Variants in DUS3L observed in about 807,000 individuals in gnomAD.
The protein encoded by DUS3L is tRNA-dihydrouridine(47) synthase [NAD(P)(+)]-like.
Under a neutral mutation model 74.6 loss-of-function variants are expected in DUS3L, and 62 were observed. The observed-to-expected ratio is 0.83, with a 90% CI of 0.68 to 1.03. The LOEUF (loss-of-function observed/expected upper bound fraction) is 1.03, where lower values mean the gene tolerates loss of function less well. Among genes scored for constraint, DUS3L ranks in the 50% least tolerant of loss-of-function variants. DUS3L has a pLI of 0.00. For missense variants in DUS3L, 884 were observed against 924.4 expected, an observed-to-expected ratio of 0.96 and a Z score of 0.57; for synonymous variants, 433 against 395.7, an observed-to-expected ratio of 1.09 and a Z score of -1.12.
In DUS3L at chr19:5,788,036, G is replaced by A. The variant is rs1237366935; in HGVS notation, c.1083C>T (p.Ile361=). 6 of 1,613,350 alleles carry A rather than the reference G, an allele frequency of 3.7e-6. No individual in the cohort carries two copies. Among genetic ancestry groups the A allele is most frequent in the Admixed American group, 1.7e-5 (1 of 60,014 alleles). Reference sequence around the variant, plus strand: ...GGTGGGCACTGACCTGGACGCCAAAGATGTCCTCACACTGGTGGCGTTTGA... The same window carrying A: ...GGTGGGCACTGACCTGGACGCCAAAAATGTCCTCACACTGGTGGCGTTTGA... ...ALLKRHQCED[I]FGVQLEGAFP... Residue 361 remains isoleucine, a synonymous_variant, in exon 5 of 13, where the codon ATC becomes ATT. Transcript: ENST00000309061.
chr19:5,788,661 C>T (rs977449736), intron 3 of DUS3L, among the ~76,000 whole-genome samples: 3 of 151,940 alleles, frequency 2.0e-5, no homozygotes, highest in African/African-American at 4.8e-5. Flanking sequence ...ATTTGTCCCC[C>T]GCTGCCCGAC....
At chr19:5,789,901 C>T in intron 2 of DUS3L, 146 bp downstream of exon 2, 1 of 1,321,344 alleles carries the variant, frequency 7.6e-7, no homozygotes, top group South Asian at 1.4e-5. Context: ...ACAATGTATC[C>T]CGAGGAGAAT....
chr19:5,787,725 G>A lies in DUS3L; in HGVS notation c.1096-20C>T. 6.2e-7 allele frequency: 1 copy of A among 1,609,702 alleles called. No individual in the cohort carries two copies. Among genetic ancestry groups the A allele is most frequent in the Non-Finnish European group, 8.5e-7 (1 of 1,178,036 alleles). ...CTCCAGCTGTAGGTGGGTAGTGGCA[G>A]AACAGGAGGGTGAGGGGAGAGTCCG... On this transcript the variant is annotated intron_variant, in intron 5 of 12. Transcript: ENST00000309061.
rs772681030 is a variant in DUS3L at position 5,789,651 on chromosome 19, C to T, written c.456G>A (p.Glu152=). ...RFLHDVGRYL[E]TKPADLGPRC... ...GGGGGCCCAGGTCGGCCGGCTTGGT[C>T]TCCAGGTAGCGCCCCACGTCGTGCA... Residue 152 remains glutamate, a synonymous_variant, in exon 3 of 13, where the codon GAG becomes GAA. Coordinates refer to ENST00000309061, the MANE Select transcript of DUS3L (RefSeq NM_020175.3). 7 of 1,609,058 alleles carry T rather than the reference C, an allele frequency of 4.4e-6. No homozygotes were observed. The highest frequency in any genetic ancestry group is 5.1e-6 in the Non-Finnish European group (6 of 1,178,706).
chr19:5,785,919 G>T (rs1254749527), intron 10 of DUS3L, 128 bp from the exon 11 acceptor site: 6 of 1,005,040 alleles, frequency 6.0e-6, no homozygotes, highest in Non-Finnish European at 8.4e-6. Flanking sequence ...AAGCCTCCCA[G>T]CTGCATGCAC....
intron 10 of DUS3L, 134 bp downstream of exon 10, chr19:5,786,332 TC>T: frequency 1.2e-6 from 1 of 807,480 alleles, no homozygotes. Context: ...CAGCTGCAAC[TC>T]CTGACATCGC....
intron 1 of DUS3L, among the ~76,000 whole-genome samples, 192 bp from the exon 2 acceptor site, chr19:5,790,527 T>C (rs2056899686): frequency 6.6e-6 from 1 of 152,140 alleles, no homozygotes. Context: ...GGGTCCTCAC[T>C]GTCCAAAGTG....
Position 5,788,017 on chromosome 19 carries a change from C to T in DUS3L, c.1095+7G>A. ...TCCACTCTCCCTCCCTCGGGGTGGG[C>T]ACTGACCTGGACGCCAAAGATGTCC... On this transcript the variant is annotated splice_region_variant and intron_variant, in intron 5 of 12. Coordinates refer to ENST00000309061, the MANE Select transcript of DUS3L (RefSeq NM_020175.3). 6.2e-7 allele frequency: 1 copy of T among 1,612,226 alleles called. No individual in the cohort carries two copies. The highest frequency in any genetic ancestry group is 8.5e-7 in the Non-Finnish European group (1 of 1,179,870).
At chr19:5,788,808 G>A (rs2056880401) in intron 3 of DUS3L, among the ~76,000 whole-genome samples, 1 of 151,384 alleles carries the variant, frequency 6.6e-6, no homozygotes, top group African/African-American at 2.4e-5. Flanking sequence ...CTGGGTTCAA[G>A]TGATTCTCCT....
chr19:5,788,015 G>A lies in DUS3L; in HGVS notation c.1095+9C>T, dbSNP rs776757985. The A allele has an allele frequency of 6.2e-7, 1 of 1,611,982 alleles. No individual in the cohort carries two copies. Among genetic ancestry groups the A allele is most frequent in the South Asian group, 1.1e-5 (1 of 91,026 alleles). Reference sequence around the variant, plus strand: ...CCTCCACTCTCCCTCCCTCGGGGTGGGCACTGACCTGGACGCCAAAGATGT... The same window carrying A: ...CCTCCACTCTCCCTCCCTCGGGGTGAGCACTGACCTGGACGCCAAAGATGT... On this transcript the variant is annotated intron_variant, in intron 5 of 12. Transcript: ENST00000309061.
intron 4 of DUS3L, 76 bp downstream of exon 4, chr19:5,788,281 G>T: frequency 6.2e-7 from 1 of 1,610,960 alleles, no homozygotes; most frequent in South Asian, 1.1e-5. Context: ...CAGTAGGTGG[G>T]GACAGACACT....
At chr19:5,787,961 C>T in intron 5 of DUS3L, 63 bp downstream of exon 5, 2 of 1,591,626 alleles carry the variant, frequency 1.3e-6, no homozygotes, top group Non-Finnish European at 1.7e-6. Flanking sequence ...GACCTGGAAC[C>T]TGGCTCTGAG....
chr19:5,788,215 G>GCGCA (rs1568387402), intron 4 of DUS3L, 39 bp from the exon 5 acceptor site: 1 of 1,610,082 alleles, frequency 6.2e-7, no homozygotes, highest in Non-Finnish European at 8.5e-7. Context: ...GCTCTTGCAC[G>GCGCA]CGCACACACA....
intron 3 of DUS3L, 162 bp downstream of exon 3, chr19:5,789,045 G>A: frequency 9.8e-7 from 1 of 1,016,832 alleles, no homozygotes; most frequent in Non-Finnish European, 1.3e-6. Context: ...TGAGGGCTGG[G>A]CCCAGGACAG....
chr19:5,785,686 G>A lies in DUS3L; in HGVS notation c.1668C>T (p.Tyr556=), dbSNP rs780286044. 19 of 1,612,538 alleles carry A rather than the reference G, an allele frequency of 1.2e-5. No individual in the cohort carries two copies. The highest frequency in any genetic ancestry group is 6.7e-5 in the Admixed American group (4 of 59,952). The change falls in exon 11 of 13, where the codon TAC becomes TAT. Residue 556 remains tyrosine, a synonymous_variant. Coordinates refer to ENST00000309061, the MANE Select transcript of DUS3L (RefSeq NM_020175.3). ...TGTCCGAGCCCCAGTGCTCCAGGCC[G>A]TAGTTGGTGAAGTCCCGCAGGATGT... ...RLDILRDFTN[Y]GLEHWGSDTQ... is the part of the protein sequence containing the mutation.
Position 5,789,335 on chromosome 19 carries a change from C to T in DUS3L, c.772G>A (p.Glu258Lys). The T allele has an allele frequency of 6.2e-7, 1 of 1,605,202 alleles. No homozygotes were observed. Among genetic ancestry groups the T allele is most frequent in the Non-Finnish European group, 8.5e-7 (1 of 1,176,448 alleles). The change falls in exon 3 of 13, where the codon GAA becomes AAA. Residue 258 changes from glutamate (E) to lysine (K), a missense_variant. By Grantham distance (56) the Glu-to-Lys change is moderately conservative. Transcript: ENST00000309061. ...GGGACCTGCTGGGCACCACAGTTTT[C>T]CTGCCTGGGAGCGCCCTCGGCTGCC... Reference protein sequence around the residue: ...GTAAEGAPRQENCGAQQVPAG... With the variant: ...GTAAEGAPRQKNCGAQQVPAG...
chr19:5,789,999 C>CCCTGCTCCTG (rs1568388922), intron 2 of DUS3L, 48 bp downstream of exon 2: 1 of 1,602,254 alleles, frequency 6.2e-7, no homozygotes, highest in Non-Finnish European at 8.5e-7. Context: ...AGGAAACACA[C>CCCTGCTCCTG]CCTGCTCCTG....
intron 3 of DUS3L, among the ~76,000 whole-genome samples, chr19:5,788,863 G>T (rs2926066): frequency 0.36 from 54,209 of 151,992 alleles, 13,420 homozygotes; most frequent in African/African-American, 0.7. Flanking sequence ...CCCGCCACCA[G>T]GCCCGGCTAA....
rs34473865 is a variant in DUS3L at position 5,789,272 on chromosome 19, C to A, written c.835G>T (p.Val279Leu). 1.9e-6 allele frequency: 3 copies of A among 1,587,040 alleles called. No individual in the cohort carries two copies. The highest frequency in any genetic ancestry group is 1.8e-5 in the Admixed American group (1 of 54,876). ...PGTSTPPSSP[V>L]RTCGPLTDED... ...TCCGTCAGGGGCCCGCAGGTCCGCA[C>A]GGGGCTGCTGGGAGGGGTGCTAGTG... Residue 279 changes from valine (V) to leucine (L), a missense_variant, in exon 3 of 13, where the codon GTG becomes TTG. By Grantham distance (32) the Val-to-Leu change is conservative. Coordinates refer to ENST00000309061, the MANE Select transcript of DUS3L (RefSeq NM_020175.3).
Sources: gnomAD v4.1 joint callset for allele counts (sites outside exome capture counted in the v4.1 genomes callset) on GRCh38, gnomAD v4.1.1 for gene constraint, MANE v1.5 for transcripts, NCBI Gene and HGNC (gene_info 2026-07-23, HGNC 2026-07-21) for gene names.